The following CNIH3 variants were observed in gnomAD, a reference collection of about 807,000 sequenced individuals.
The protein encoded by CNIH3 is cornichon family AMPA receptor auxiliary protein 3.
Under a neutral mutation model 24.1 loss-of-function variants are expected in CNIH3, and 14 were observed. The observed-to-expected ratio is 0.58, with a 90% CI of 0.38 to 0.91. The LOEUF (loss-of-function observed/expected upper bound fraction) is 0.91. Ranked by LOEUF, CNIH3 falls within the 40% of genes least tolerant of loss-of-function variation. The probability of loss-of-function intolerance (pLI) is 0.00; values close to 1 mark genes in which losing one functional copy is unlikely to be tolerated. For synonymous variants in CNIH3, 68 were observed against 73.8 expected (o/e 0.92, Z 0.40); for missense variants, 178 against 196.8 (o/e 0.90, Z 0.57).
intron 1 of CNIH3, among the ~76,000 whole-genome samples, chr1:224,437,574 G>A (rs923291239): frequency 6.6e-6 from 1 of 152,296 alleles, no homozygotes; most frequent in African/African-American, 2.4e-5. Flanking sequence ...ATATAAGCCA[G>A]TATTTTTCAG....
intron 1 of CNIH3, among the ~76,000 whole-genome samples, chr1:224,630,008 A>G (rs1683739847): frequency 6.6e-6 from 1 of 152,212 alleles, no homozygotes; most frequent in South Asian, 2.1e-4. Flanking sequence ...TTTATTGAAG[A>G]CAACTCTTGG....
intron 1 of CNIH3, among the ~76,000 whole-genome samples, chr1:224,462,004 C>CTT (rs1227513896): frequency 6.6e-6 from 1 of 151,990 alleles, no homozygotes; most frequent in African/African-American, 2.4e-5. Context: ...AAAAAAAAGA[C>CTT]TTTTACTTTT....
At chr1:224,713,975 C>T (rs535375108) in intron 3 of CNIH3, among the ~76,000 whole-genome samples, 8 of 152,212 alleles carry the variant, frequency 5.3e-5, no homozygotes, top group African/African-American at 9.6e-5. Flanking sequence ...CCACCACACC[C>T]GGCTCATTTT....
intron 3 of CNIH3, among the ~76,000 whole-genome samples, chr1:224,553,251 C>A (rs1399305217): frequency 1.3e-5 from 2 of 150,144 alleles, no homozygotes; most frequent in African/African-American, 4.9e-5. Context: ...ATATTAGGAG[C>A]AACATATCTC....
chr1:224,611,274 T>C (rs1682686208), intron 3 of CNIH3: 2 of 152,188 alleles, frequency 1.3e-5, no homozygotes, highest in South Asian at 4.1e-4. Context: ...GTCTTGGAGC[T>C]GCTACACTAG....
chr1:224,598,463 T>G (rs1682076897), intron 3 of CNIH3, among the ~76,000 whole-genome samples: 1 of 152,190 alleles, frequency 6.6e-6, no homozygotes, highest in Non-Finnish European at 1.5e-5. Context: ...GTTAATAAAG[T>G]AGTGGCAGGG....
chr1:224,439,652 G>A (rs1400526498), intron 1 of CNIH3, among the ~76,000 whole-genome samples: 3 of 151,034 alleles, frequency 2.0e-5, no homozygotes, highest in Non-Finnish European at 4.4e-5. Context: ...TCGCTCTGTC[G>A]CCAGGCTGGA....
chr1:224,663,414 C>A (rs1048921785), intron 1 of CNIH3, among the ~76,000 whole-genome samples: 1 of 152,214 alleles, frequency 6.6e-6, no homozygotes, highest in African/African-American at 2.4e-5. Context: ...AGCCACCATG[C>A]CCCAAGAGTG....
intron 1 of CNIH3, among the ~76,000 whole-genome samples, chr1:224,635,497 C>T (rs1572630876): frequency 6.6e-6 from 1 of 152,166 alleles, no homozygotes; most frequent in East Asian, 1.9e-4. Flanking sequence ...GAACAGCAAG[C>T]ATTTTCAAGA....
At chr1:224,727,705 C>T (rs1689108612) in intron 3 of CNIH3, among the ~76,000 whole-genome samples, 1 of 152,152 alleles carries the variant, frequency 6.6e-6, no homozygotes, top group South Asian at 2.1e-4. Flanking sequence ...TCTTCCACAT[C>T]ATTGTGACAA....
At chr1:224,676,810 G>T (rs1231240866) in intron 1 of CNIH3, among the ~76,000 whole-genome samples, 1 of 152,194 alleles carries the variant, frequency 6.6e-6, no homozygotes, top group Non-Finnish European at 1.5e-5. Context: ...GGGGCCCGTG[G>T]CTTCTATCCT....
At chr1:224,578,269 T>C (rs970086512) in intron 4 of CNIH3, among the ~76,000 whole-genome samples, 2 of 152,332 alleles carry the variant, frequency 1.3e-5, no homozygotes, top group African/African-American at 4.8e-5. Context: ...GGTAGTTAGT[T>C]TTCTTTGTAC....
rs371459816 is a variant in CNIH3, at chr1:224,610,490, A to G, written n.402+44226A>G. 4.1e-4 allele frequency among the ~76,000 whole-genome samples: 62 copies of G among 152,250 alleles called. 3 individuals are homozygous for G. In the South Asian group the frequency reaches 0.012, roughly 30 times the overall value. On this transcript the variant is annotated intron_variant and non_coding_transcript_variant, in intron 3 of 7. Transcript: ENST00000478120. The stretch of plus-strand genomic sequence containing the variant: ...CTCTCTCTTTCTCTCTCCTGCTGCC[A>G]TGTAAGATGTGCCTTGCTTCCCCGT...
chr1:224,454,742 AAG>A (rs1675574654), intron 1 of CNIH3, among the ~76,000 whole-genome samples: 1 of 152,124 alleles, frequency 6.6e-6, no homozygotes, highest in South Asian at 2.1e-4. Flanking sequence ...GGTACTGGTG[AAG>A]AGACCGGAGA....
At chr1:224,447,630 C>T (rs1279613240) in intron 1 of CNIH3, among the ~76,000 whole-genome samples, 1 of 152,208 alleles carries the variant, frequency 6.6e-6, no homozygotes, top group Non-Finnish European at 1.5e-5. Context: ...TAAGCTGTAC[C>T]TGCCTTTGAT....
At chr1:224,561,559 T>A (rs1269168644) in intron 3 of CNIH3, among the ~76,000 whole-genome samples, 1 of 152,234 alleles carries the variant, frequency 6.6e-6, no homozygotes, top group Non-Finnish European at 1.5e-5. Context: ...GGGCCAATTC[T>A]GCTCGATGTG....
chr1:224,623,092 A>G (rs938090188), intron 1 of CNIH3, among the ~76,000 whole-genome samples: 1 of 151,888 alleles, frequency 6.6e-6, no homozygotes, highest in Non-Finnish European at 1.5e-5. Context: ...CCTCCCCTCT[A>G]GTGACCACTT....
At chr1:224,634,836 G>C (rs142568961) in intron 1 of CNIH3, among the ~76,000 whole-genome samples, 1,656 of 152,244 alleles carry the variant, frequency 0.011, 13 homozygotes, top group Non-Finnish European at 0.017. Context: ...CCAAGCCTCG[G>C]CCCTACCTGC....
At chr1:224,444,770 G>C (rs796642819) in intron 1 of CNIH3, among the ~76,000 whole-genome samples, 14 of 151,962 alleles carry the variant, frequency 9.2e-5, no homozygotes, top group African/African-American at 3.1e-4. Context: ...TCAGCCTTTT[G>C]AATGGATGGG....
Sources: gnomAD v4.1 joint callset for allele counts (sites outside exome capture counted in the v4.1 genomes callset) on GRCh38, gnomAD v4.1.1 for gene constraint, MANE v1.5 for transcripts, NCBI Gene and HGNC (gene_info 2026-07-23, HGNC 2026-07-21) for gene names.